ZFP1: variants seen among roughly 807,000 people sequenced by gnomAD.
The protein encoded by ZFP1 is ZFP1 zinc finger protein.
In ZFP1, 32 loss-of-function variants were observed where a neutral mutation model predicts 38.5. The observed-to-expected ratio is 0.83, with a 90% CI of 0.63 to 1.12. ZFP1 has a LOEUF of 1.12. Ranked by LOEUF, ZFP1 falls within the 50% of genes most tolerant of loss-of-function variation. The probability of loss-of-function intolerance (pLI) is 0.00; values close to 1 mark genes in which losing one functional copy is unlikely to be tolerated. For missense variants in ZFP1, 616 were observed against 480.8 expected (o/e 1.28, Z -2.63); for synonymous variants, 245 against 168.8 (o/e 1.45, Z -3.50).
chr16:75,138,185 C>T, the ZFP1 span, among the ~76,000 whole-genome samples: 6 of 151,800 alleles, frequency 4.0e-5, no homozygotes, highest in South Asian at 1.0e-3. Flanking sequence ...TACAGGCGTG[C>T]GCCACCACAC....
chr16:75,161,774 A>ATATATATATATATATAATTT (rs1555523101), intron 2 of ZFP1, among the ~76,000 whole-genome samples: 1 of 7,818 alleles, frequency 1.3e-4, no homozygotes, highest in African/African-American at 3.9e-4. Context: ...ATATATATAT[A>ATATATATATATATATAATTT]TTTTTTTTTT....
chr16:75,166,781 A>C lies in ZFP1; in HGVS notation c.27A>C (p.Ser9=). 1 of 1,614,196 alleles carries C rather than the reference A, an allele frequency of 6.2e-7. No individual in the cohort carries two copies. Among genetic ancestry groups the C allele is most frequent in the Non-Finnish European group, 8.5e-7 (1 of 1,180,022 alleles). MNKSQGSV[S]FTDVTVDFTQ... ...ATATGCCATTTCAGGGATCAGTTTC[A>C]TTCACGGATGTGACTGTGGACTTTA... is the stretch of plus-strand genomic sequence containing the variant. Residue 9 remains serine (S), a synonymous_variant, in exon 3 of 4, where the codon TCA becomes TCC. Transcript: ENST00000570010.
At chr16:75,149,742 T>C (rs1292862765) in intron 1 of ZFP1, among the ~76,000 whole-genome samples, 1 of 151,998 alleles carries the variant, frequency 6.6e-6, no homozygotes, top group African/African-American at 2.4e-5. Context: ...TTTATTGATG[T>C]AACTGTTCCT....
At chr16:75,124,308 A>G in the ZFP1 span, among the ~76,000 whole-genome samples, 1 of 149,544 alleles carries the variant, frequency 6.7e-6, no homozygotes, top group Non-Finnish European at 1.5e-5. Context: ...ACAGGCACCC[A>G]CCACCACTCC....
At chr16:75,168,547 G>GTTCACTCTCCCAGCAACTTCAGTAGAAA (rs2038227687) in intron 3 of ZFP1, among the ~76,000 whole-genome samples, 20 of 149,120 alleles carry the variant, frequency 1.3e-4, no homozygotes, top group African/African-American at 4.9e-4. Flanking sequence ...AACTTCAGTA[G>GTTCACTCTCCCAGCAACTTCAGTAGAAA]AAAAAAAAAA....
chr16:75,119,519 A>G, the ZFP1 span: 1 of 152,078 alleles, frequency 6.6e-6, no homozygotes, highest in Non-Finnish European at 1.5e-5. Flanking sequence ...AACAGGGAAG[A>G]TGAGGGTTTT....
intron 2 of ZFP1, among the ~76,000 whole-genome samples, chr16:75,158,483 C>T (rs1324089002): frequency 2.0e-5 from 3 of 151,866 alleles, no homozygotes; most frequent in African/African-American, 4.8e-5. Flanking sequence ...GCTGGGACTA[C>T]AGGCCTGTGA....
intron 2 of ZFP1, among the ~76,000 whole-genome samples, chr16:75,163,110 T>C (rs2037869636): frequency 1.3e-5 from 2 of 151,158 alleles, no homozygotes; most frequent in South Asian, 2.1e-4. Context: ...GGGTTCGCCA[T>C]GTTGGCCAGG....
chr16:75,168,465 G>A (rs945602660), intron 3 of ZFP1, among the ~76,000 whole-genome samples: 2 of 152,018 alleles, frequency 1.3e-5, no homozygotes, highest in African/African-American at 4.8e-5. Flanking sequence ...GGCAAATGAG[G>A]GAGACCCTAT....
chr16:75,166,361 G>C (rs191320430), intron 2 of ZFP1, among the ~76,000 whole-genome samples: 2 of 152,108 alleles, frequency 1.3e-5, no homozygotes, highest in African/African-American at 2.4e-5. Context: ...GCTCCCCCAC[G>C]TAGCTGGGAG....
At chr16:75,143,875 A>G (rs1418699315), upstream of ZFP1, among the ~76,000 whole-genome samples, 2 of 151,434 alleles carry the variant, frequency 1.3e-5, no homozygotes, top group African/African-American at 4.9e-5. Flanking sequence ...GCTTGTCTCA[A>G]ACTCCTGGGC....
chr16:75,159,728 C>CT (rs1467602294), intron 2 of ZFP1, among the ~76,000 whole-genome samples: 5 of 152,092 alleles, frequency 3.3e-5, no homozygotes, highest in Admixed American at 1.3e-4. Flanking sequence ...TTTCACATGT[C>CT]TAGCAGTTTT....
chr16:75,143,626 C>G (rs2036909957), upstream of ZFP1, among the ~76,000 whole-genome samples: 1 of 138,356 alleles, frequency 7.2e-6, no homozygotes, highest in South Asian at 2.4e-4. Flanking sequence ...AAGCCCTTTT[C>G]TGGGGATCCA....
At chr16:75,165,548 C>A (rs1027049967) in intron 2 of ZFP1, among the ~76,000 whole-genome samples, 10 of 152,032 alleles carry the variant, frequency 6.6e-5, no homozygotes, top group Admixed American at 6.6e-4. Flanking sequence ...GCGCCCTCTA[C>A]CACACCCGGA....
At chr16:75,166,542 T>C (rs957331360) in intron 2 of ZFP1, 24 of 985,138 alleles carry the variant, frequency 2.4e-5, no homozygotes, top group Non-Finnish European at 2.9e-5. Context: ...AGTGTTTTAT[T>C]AATCTGAGAC....
chr16:75,120,456 C>T, the ZFP1 span, among the ~76,000 whole-genome samples: 23 of 151,782 alleles, frequency 1.5e-4, no homozygotes, highest in East Asian at 2.3e-3. Flanking sequence ...CAGGCAAGTT[C>T]GTCTCGTCTC....
At chr16:75,136,762 T>G in the ZFP1 span, among the ~76,000 whole-genome samples, 31 of 152,116 alleles carry the variant, frequency 2.0e-4, no homozygotes, top group East Asian at 2.7e-3. Flanking sequence ...CCTAGCTACT[T>G]TGGGAGACTG....
the ZFP1 span, among the ~76,000 whole-genome samples, chr16:75,126,816 C>G: frequency 1.3e-5 from 2 of 152,114 alleles, no homozygotes; most frequent in African/African-American, 4.8e-5. Flanking sequence ...ATGTTTTTTT[C>G]TGACCTAACT....
Position 75,155,866 on chromosome 16 carries a change from T to A in ZFP1, c.15+2900T>A, listed in dbSNP as rs1443869351. ...CTTATAGTCTTAATATAAAATTTAG[T>A]TAACAAACTATAACTGGAATTAATA... On this transcript the variant is annotated intron_variant, in intron 2 of 3. Transcript: ENST00000570010. 2.0e-5 allele frequency among the ~76,000 whole-genome samples: 3 copies of A among 152,224 alleles called. No individual in the cohort carries two copies. The East Asian group carries it at 5.8e-4, about 29-fold the overall frequency.
Sources: allele counts gnomAD v4.1 joint callset (sites outside exome capture counted in the v4.1 genomes callset), GRCh38; gene constraint gnomAD v4.1.1; transcripts MANE v1.5; gene names NCBI Gene and HGNC (gene_info 2026-07-23, HGNC 2026-07-21).